The following DMP1 variants were observed in gnomAD, a reference collection of about 807,000 sequenced individuals.
The protein encoded by DMP1 is dentin matrix protein 1.
In DMP1, 20 loss-of-function variants were observed where a neutral mutation model predicts 14.6. The observed-to-expected ratio is 1.37, with a 90% CI of 0.96 to 1.99. The LOEUF is 1.99. DMP1 is among the 30% of genes most tolerant of loss of function. The pLI is 0.00. For synonymous variants in DMP1, 197 were observed against 215.3 expected (o/e 0.91, Z 0.75); for missense variants, 567 against 620.5 (o/e 0.91, Z 0.92).
At position 87,655,437 on chromosome 4, in the gene DMP1, C is replaced by T. The variant is rs556596330; in HGVS notation, c.-21-1035C>T. 9.2e-5 allele frequency among the ~76,000 whole-genome samples: 14 copies of T among 152,106 alleles called. No homozygotes were observed. In the South Asian group the frequency reaches 2.7e-3, roughly 29 times the overall value. On this transcript the variant is annotated intron_variant, in intron 1 of 5. Transcript: ENST00000339673. ...TCTCAGCATGATTTACAAGTGTATC[C>T]CAAACCTGTAATCTTCCCCAAATCC...
intron 5 of DMP1, among the ~76,000 whole-genome samples, chr4:87,660,202 G>A (rs1298309803): frequency 1.3e-5 from 2 of 152,176 alleles, no homozygotes; most frequent in South Asian, 2.1e-4. Context: ...TGAATTATTA[G>A]CCTGTTTATC....
intron 1 of DMP1, among the ~76,000 whole-genome samples, chr4:87,655,706 G>A (rs532331250): frequency 2.6e-4 from 39 of 152,164 alleles, no homozygotes; most frequent in African/African-American, 9.4e-4. Context: ...GTGTGTTTGT[G>A]TGTGTGTGAA....
At position 87,662,525 on chromosome 4, in the gene DMP1, A is replaced by C. The variant is rs751076227; in HGVS notation, c.747A>C (p.Ala249=). Residue 249 remains alanine, a synonymous_variant, in exon 6 of 6, where the codon GCA becomes GCC. Coordinates refer to ENST00000339673, the MANE Select transcript of DMP1 (RefSeq NM_004407.4). ...AATCTGGAGAAAACAGTGAGCAAGC[A>C]AACACTCAAGATTCAGGTGGCAGCC... ...SKESGENSEQ[A]NTQDSGGSQL... The C allele has an allele frequency of 2.4e-5, 38 of 1,614,172 alleles. No individual in the cohort carries two copies. Among genetic ancestry groups the C allele is most frequent in the Non-Finnish European group, 3.1e-5 (37 of 1,180,030 alleles).
intron 5 of DMP1, 117 bp downstream of exon 5, chr4:87,659,595 C>A: frequency 9.7e-7 from 1 of 1,029,490 alleles, no homozygotes; most frequent in Non-Finnish European, 1.5e-6. Context: ...ATGAGTTATG[C>A]TGGCTAAAGA....
At chr4:87,655,803 C>T (rs1390408075) in intron 1 of DMP1, among the ~76,000 whole-genome samples, 1 of 152,054 alleles carries the variant, frequency 6.6e-6, no homozygotes, top group East Asian at 1.9e-4. Flanking sequence ...CCATACCAAG[C>T]TGCATAATTA....
intron 1 of DMP1, among the ~76,000 whole-genome samples, chr4:87,656,057 A>G (rs974093546): frequency 5.9e-5 from 9 of 152,194 alleles, no homozygotes; most frequent in African/African-American, 2.2e-4. Flanking sequence ...AACCTTCACT[A>G]CAATACATGG....
intron 1 of DMP1, among the ~76,000 whole-genome samples, chr4:87,654,692 C>T (rs551598094): frequency 6.6e-6 from 1 of 152,314 alleles, no homozygotes; most frequent in South Asian, 2.1e-4. Flanking sequence ...TTAGTGCTCA[C>T]TGAGCCCACA....
intron 1 of DMP1, among the ~76,000 whole-genome samples, chr4:87,654,336 G>T (rs1195470637): frequency 6.6e-6 from 1 of 152,182 alleles, no homozygotes; most frequent in East Asian, 1.9e-4. Flanking sequence ...GAGAATGAGG[G>T]GCCAGAGATA....
Position 87,656,554 on chromosome 4 carries a change from T to C in DMP1, c.54+8T>C. 1.3e-6 allele frequency: 2 copies of C among 1,590,718 alleles called. No individual in the cohort carries two copies. On this transcript the variant is annotated splice_region_variant and intron_variant, in intron 2 of 5. Coordinates refer to ENST00000339673, the MANE Select transcript of DMP1 (RefSeq NM_004407.4). ...TTATCCTGTGCTCTCCCAGTAAGTA[T>C]TAGGGTAGGGATATATGAAAAAACC... is the stretch of plus-strand genomic sequence containing the variant.
chr4:87,662,712 G>C lies in DMP1; in HGVS notation c.934G>C (p.Asp312His), dbSNP rs1245951583. 5 of 1,614,164 alleles carry C rather than the reference G, an allele frequency of 3.1e-6. No individual in the cohort carries two copies. The highest frequency in any genetic ancestry group is 3.4e-6 in the Non-Finnish European group (4 of 1,180,038). ...RDTGLSQPRR[D>H]SKGDSQEDSK... ...CACTGGCCTCAGCCAACCCAGGAGA[G>C]ACAGCAAGGGTGACTCTCAAGAAGA... Residue 312 changes from aspartate to histidine, a missense_variant, in exon 6 of 6, where the codon GAC (aspartate) becomes CAC (histidine). Asp to His is a moderately conservative substitution (Grantham distance 81, BLOSUM62 -1). Coordinates refer to ENST00000339673, the MANE Select transcript of DMP1 (RefSeq NM_004407.4).
In DMP1 at chr4:87,662,930, CGAG is replaced by C. The variant is rs762396877; in HGVS notation, c.1158_1160del (p.Glu386del). The C allele has an allele frequency of 3.3e-5, 53 of 1,613,964 alleles. No individual in the cohort carries two copies. The highest frequency in any genetic ancestry group is 4.2e-5 in the Non-Finnish European group (49 of 1,180,040). On this transcript the variant is annotated inframe_deletion, in exon 6 of 6. Transcript: ENST00000339673. ...AAGACCAGGAAGACAGTGACTCCAGCGAGGAGGACAGCTCGCACACACTCTCCC... is the reference window on the plus strand; with the variant it reads ...AAGACCAGGAAGACAGTGACTCCAGCGAGGACAGCTCGCACACACTCTCCC...
In DMP1 at chr4:87,662,137, G is replaced by T. The variant is rs1728911495; in HGVS notation, c.359G>T (p.Gly120Val). 3.1e-6 allele frequency: 5 copies of T among 1,614,094 alleles called. No homozygotes were observed. The highest frequency in any genetic ancestry group is 4.2e-6 in the Non-Finnish European group (5 of 1,180,048). The change falls in exon 6 of 6, where the codon GGC becomes GTC. Residue 120 changes from glycine (G) to valine (V), a missense_variant. Transcript: ENST00000339673. ...GDDTFGDDDS[G>V]PGPKDRQEGG... is the part of the protein sequence containing the mutation. ...GACACCTTTGGTGACGATGACAGTG[G>T]CCCAGGGCCCAAAGACAGACAAGAA...
chr4:87,662,609 T>C lies in DMP1; in HGVS notation c.831T>C (p.Asp277=), dbSNP rs139029727. The C allele has an allele frequency of 1.2e-6, 2 of 1,613,976 alleles. No homozygotes were observed. The highest frequency in any genetic ancestry group is 2.7e-5 in the African/African-American group (2 of 74,894). ...GGAAGTCTCGCATCTCAGAGGAAGA[T>C]GACAGAAGCGAGCTTGATGACAACA... ...IFRKSRISEE[D]DRSELDDNNT... The change falls in exon 6 of 6, where the codon GAT becomes GAC. Residue 277 remains aspartate (D), a synonymous_variant. Transcript: ENST00000339673.
chr4:87,661,157 C>A lies in DMP1; in HGVS notation c.184-805C>A, dbSNP rs62315994. On this transcript the variant is annotated intron_variant, in intron 5 of 5. Coordinates refer to ENST00000339673, the MANE Select transcript of DMP1 (RefSeq NM_004407.4). ...GGTTCAAGTGATTCTCCTGCCTCAG[C>A]CTCCCAAGTAACTGGGACTACAGGT... is the stretch of plus-strand genomic sequence containing the variant. Among the ~76,000 whole-genome samples, 747 of 150,590 alleles carry A rather than the reference C, an allele frequency of 5.0e-3. 3 individuals are homozygous for A. Among genetic ancestry groups the A allele is most frequent in the Non-Finnish European group, 8.9e-3 (606 of 67,868 alleles).
chr4:87,657,187 AT>A (rs1728725526), intron 3 of DMP1, 108 bp downstream of exon 3: 1 of 689,652 alleles, frequency 1.5e-6, no homozygotes, highest in South Asian at 1.7e-5. Context: ...TCATCAGCAT[AT>A]TAATAAGCTA....
Position 87,663,243 on chromosome 4 carries a change from C to CG in DMP1, c.1467dup (p.Lys490GlufsTer5), listed in dbSNP as rs755124488. On this transcript the variant is annotated frameshift_variant, in exon 6 of 6. Transcript: ENST00000339673. LOFTEE classifies it high-confidence loss of function. ...GTTGAAAAACATTGAGATAGAGAGC[C>CG]GGAAATTAACAGTTGATGCCTATCA... 6.2e-7 allele frequency: 1 copy of CG among 1,614,024 alleles called. No homozygotes were observed. The highest frequency in any genetic ancestry group is 1.3e-5 in the African/African-American group (1 of 74,908).
chr4:87,663,488 T>C lies in DMP1; in HGVS notation c.*168T>C, dbSNP rs1215099130. The stretch of plus-strand genomic sequence containing the variant: ...ACACTTGTTTTTAGGGTGTCATCAT[T>C]TCACAGAGGTTTAAATACTGTGGAG... On this transcript the variant is annotated 3_prime_UTR_variant, in exon 6 of 6. Coordinates refer to ENST00000339673, the MANE Select transcript of DMP1 (RefSeq NM_004407.4). 1 of 973,562 alleles carries C rather than the reference T, an allele frequency of 1.0e-6. No homozygotes were observed. The highest frequency in any genetic ancestry group is 1.5e-6 in the Non-Finnish European group (1 of 647,530). 60.3% of individuals were successfully genotyped at this position (973,562 alleles called of 1,614,324 possible). A position where few individuals can be genotyped will look rare whatever the true frequency, so the allele number is the denominator to read the frequency against.
In DMP1 at chr4:87,663,347, C is replaced by T. The variant is rs765769920; in HGVS notation, c.*27C>T. The T allele has an allele frequency of 1.9e-6, 3 of 1,614,054 alleles. No homozygotes were observed. The East Asian group carries it at 6.7e-5, about 36-fold the overall frequency. On this transcript the variant is annotated 3_prime_UTR_variant, in exon 6 of 6. Transcript: ENST00000339673. ...ATCAGCTGTCCTAAGAAGCAGTTGT[C>T]ACATAAAGGAGTCTTAGGGACTTGA...
At chr4:87,653,405 A>ATATATATATATATATATATATATAT (rs1560489248) in intron 1 of DMP1, among the ~76,000 whole-genome samples, 10 of 102,022 alleles carry the variant, frequency 9.8e-5, no homozygotes, top group South Asian at 2.8e-4. Context: ...ATATATATAT[A>ATATATATATATATATATATATATAT]TATATATATA....
Sources: allele counts gnomAD v4.1 joint callset (sites outside exome capture counted in the v4.1 genomes callset), GRCh38; gene constraint gnomAD v4.1.1; transcripts MANE v1.5; gene names NCBI Gene and HGNC (gene_info 2026-07-23, HGNC 2026-07-21).